Variants in ESPNL observed in about 807,000 individuals in gnomAD.
ESPNL encodes the protein espin like.
Under a neutral mutation model 46.8 loss-of-function variants are expected in ESPNL, and 49 were observed. That is an observed-to-expected ratio of 1.05 (90% CI 0.83 to 1.33). The LOEUF (loss-of-function observed/expected upper bound fraction) is 1.33. Ranked by LOEUF, ESPNL falls within the 40% of genes most tolerant of loss-of-function variation. The pLI is 0.00. For missense variants in ESPNL, 1,540 were observed against 1,436.6 expected (o/e 1.07, Z -1.16); for synonymous variants, 664 against 662.1 (o/e 1.00, Z -0.04).
Position 238,125,400 on chromosome 2 carries a change from C to T in ESPNL, c.1102+16C>T, listed in dbSNP as rs1300356576. On this transcript the variant is annotated intron_variant, in intron 6 of 8. Transcript: ENST00000343063. ...AACCCCAGCCGTGAGTGCACAGCCC[C>T]AAGTGGGCCACCCAGGGCATGGGCC... The T allele has an allele frequency of 1.4e-6, 2 of 1,461,658 alleles. No homozygotes were observed. Among genetic ancestry groups the T allele is most frequent in the Non-Finnish European group, 1.8e-6 (2 of 1,090,082 alleles). 90.5% of individuals were successfully genotyped at this position (1,461,658 alleles called of 1,614,324 possible).
At chr2:238,121,976 G>C (rs567550838) in intron 5 of ESPNL, among the ~76,000 whole-genome samples, 2 of 152,246 alleles carry the variant, frequency 1.3e-5, no homozygotes, top group African/African-American at 2.4e-5. Context: ...GATTCTCTCT[G>C]ACCGGGTGGC....
At chr2:238,116,431 A>G (rs1294609885) in intron 4 of ESPNL, among the ~76,000 whole-genome samples, 1 of 151,996 alleles carries the variant, frequency 6.6e-6, no homozygotes, top group African/African-American at 2.4e-5. Flanking sequence ...ACTAGGGGGG[A>G]ACCTCATTGG....
rs966722090 is a variant in ESPNL at position 238,100,690 on chromosome 2, C to T, written c.271C>T (p.Arg91Cys). 4.7e-5 allele frequency: 68 copies of T among 1,431,610 alleles called. No homozygotes were observed. Among genetic ancestry groups the T allele is most frequent in the Admixed American group, 1.2e-4 (4 of 34,212 alleles). The allele number at this position is 1,431,610 out of a possible 1,614,324, so 88.7% of individuals were successfully genotyped here. ...GSLAELCWLVREGGCGLQDQD... is the reference protein window; with the variant it reads ...GSLAELCWLVCEGGCGLQDQD... The stretch of plus-strand genomic sequence containing the variant: ...CCTGGCCGAGCTGTGCTGGCTGGTC[C>T]GCGAGGGGGGCTGCGGTCTGCAGGT... The change falls in exon 1 of 9, where the codon CGC (arginine) becomes TGC (cysteine). Residue 91 changes from arginine (R) to cysteine (C), a missense_variant. Arg to Cys is a radical substitution (Grantham distance 180). Transcript: ENST00000343063.
intron 6 of ESPNL, among the ~76,000 whole-genome samples, chr2:238,125,738 G>T (rs1031935265): frequency 8.6e-5 from 13 of 152,006 alleles, no homozygotes; most frequent in African/African-American, 3.1e-4. Flanking sequence ...CACGCTGTGG[G>T]CCACCACCAT....
At chr2:238,110,403 TATATCCACACCG>T (rs55911905) in intron 4 of ESPNL, among the ~76,000 whole-genome samples, 44 of 60 alleles carry the variant, frequency 0.73, 22 homozygotes, top group Middle Eastern at 1. Context: ...TGTCCCAGGA[TATATCCACACCG>T]CCCATTTAGG....
Position 238,130,275 on chromosome 2 carries a change from C to T in ESPNL, c.1561C>T (p.Arg521Cys), listed in dbSNP as rs775011985. ...GCAGATTGCAGACCTGCAGCTTCGGCGCCGCTGTCAGGAGTATGAGAGTGA... is the reference window on the plus strand; with the variant it reads ...GCAGATTGCAGACCTGCAGCTTCGGTGCCGCTGTCAGGAGTATGAGAGTGA... ...EKQIADLQLR[R>C]RCQEYESELG... The change falls in exon 9 of 9, where the codon CGC (arginine) becomes TGC (cysteine). Residue 521 changes from arginine (R) to cysteine (C), a missense_variant. Arg to Cys is a radical substitution (Grantham distance 180). Coordinates refer to ENST00000343063, the MANE Select transcript of ESPNL (RefSeq NM_194312.4). 7.5e-6 allele frequency: 12 copies of T among 1,607,256 alleles called. No homozygotes were observed. The highest frequency in any genetic ancestry group is 1.3e-5 in the African/African-American group (1 of 74,936).
chr2:238,103,595 G>A (rs1309104597), intron 2 of ESPNL, among the ~76,000 whole-genome samples: 1 of 152,198 alleles, frequency 6.6e-6, no homozygotes, highest in Non-Finnish European at 1.5e-5. Context: ...CCCTCCAGTT[G>A]CCCCCGACCC....
chr2:238,101,678 G>T (rs1691481408), intron 1 of ESPNL, among the ~76,000 whole-genome samples: 1 of 152,212 alleles, frequency 6.6e-6, no homozygotes, highest in African/African-American at 2.4e-5. Flanking sequence ...TCTCCACACT[G>T]GGGACGGGCC....
In ESPNL at chr2:238,128,924, G is replaced by A. The variant is rs1336409828; in HGVS notation, c.1413+20G>A. ...GCCCAGGTAGGCCCCCGGCAGGGGC[G>A]GGACCAGTGGGCGGGGCGGGGCCTT... On this transcript the variant is annotated intron_variant, in intron 8 of 8. Coordinates refer to ENST00000343063, the MANE Select transcript of ESPNL (RefSeq NM_194312.4). 4 of 1,526,618 alleles carry A rather than the reference G, an allele frequency of 2.6e-6. No homozygotes were observed. Among genetic ancestry groups the A allele is most frequent in the Non-Finnish European group, 3.5e-6 (4 of 1,138,370 alleles). The allele number at this position is 1,526,618 out of a possible 1,614,324, so 94.6% of individuals were successfully genotyped here. A position where few individuals can be genotyped will look rare whatever the true frequency, so the allele number is the denominator to read the frequency against.
intron 3 of ESPNL, 89 bp from the exon 4 acceptor site, chr2:238,107,702 G>A: frequency 7.6e-7 from 1 of 1,320,062 alleles, no homozygotes; most frequent in Non-Finnish European, 1.0e-6. Context: ...TACAGCCAGA[G>A]TCCACTTTCA....
chr2:238,130,231 A>G lies in ESPNL; in HGVS notation c.1517A>G (p.Asp506Gly). 1 of 1,611,048 alleles carries G rather than the reference A, an allele frequency of 6.2e-7. No homozygotes were observed. The highest frequency in any genetic ancestry group is 8.5e-7 in the Non-Finnish European group (1 of 1,179,134). ...TTTGGGGAGCTGCTGACAGAGGATG[A>G]CCTGGTCTACCTGGAGAAGCAGATT... ...GPFGELLTED[D>G]LVYLEKQIAD... is the part of the protein sequence containing the mutation. Residue 506 changes from aspartate (D) to glycine (G), a missense_variant, in exon 9 of 9, where the codon GAC becomes GGC. Coordinates refer to ENST00000343063, the MANE Select transcript of ESPNL (RefSeq NM_194312.4).
intron 4 of ESPNL, among the ~76,000 whole-genome samples, chr2:238,108,316 G>A (rs1207826539): frequency 6.6e-6 from 1 of 152,178 alleles, no homozygotes; most frequent in Non-Finnish European, 1.5e-5. Context: ...CTGTGGCAGG[G>A]GTGTGATGTC....
intron 3 of ESPNL, among the ~76,000 whole-genome samples, chr2:238,107,360 C>T (rs1017812256): frequency 6.6e-6 from 1 of 152,196 alleles, no homozygotes; most frequent in Admixed American, 6.5e-5. Context: ...CCACAGGACC[C>T]GCTGCTCCAG....
At chr2:238,118,051 G>A (rs1691855401) in intron 5 of ESPNL, among the ~76,000 whole-genome samples, 1 of 148,776 alleles carries the variant, frequency 6.7e-6, no homozygotes, top group African/African-American at 2.5e-5. Flanking sequence ...GATGGAGGAG[G>A]GTGAATGGAG....
rs535424471 is a variant in ESPNL, at chr2:238,128,194, G to T, written c.1215+460G>T. On this transcript the variant is annotated intron_variant, in intron 7 of 8. Coordinates refer to ENST00000343063, the MANE Select transcript of ESPNL (RefSeq NM_194312.4). ...GCCGGGCCCTTAGAAAGCCAGCCCAGACTTTCCCTGCGTGGTACTGCAGAT... is the reference window on the plus strand; with the variant it reads ...GCCGGGCCCTTAGAAAGCCAGCCCATACTTTCCCTGCGTGGTACTGCAGAT... Among the ~76,000 whole-genome samples the T allele has an allele frequency of 7.4e-4, 112 of 152,332 alleles. 3 individuals are homozygous for T. In the South Asian group the frequency reaches 0.023, roughly 32 times the overall value.
At position 238,120,611 on chromosome 2, in the gene ESPNL, C is replaced by A. The variant is rs549716970; in HGVS notation, c.987+3577C>A. Among the ~76,000 whole-genome samples, 4 of 152,398 alleles carry A rather than the reference C, an allele frequency of 2.6e-5. No homozygotes were observed. In the South Asian group the frequency reaches 6.2e-4, roughly 24 times the overall value. On this transcript the variant is annotated intron_variant, in intron 5 of 8. Transcript: ENST00000343063. ...CCCTGCCCGGCGCATGAAAACCCAA[C>A]CCCGGGGCCTTCCCGGCTCCTCAGT... is the stretch of plus-strand genomic sequence containing the variant.
Position 238,130,383 on chromosome 2 carries a change from C to G in ESPNL, c.1669C>G (p.Arg557Gly). The G allele has an allele frequency of 6.2e-7, 1 of 1,610,764 alleles. No individual in the cohort carries two copies. Among genetic ancestry groups the G allele is most frequent in the Non-Finnish European group, 8.5e-7 (1 of 1,179,170 alleles). Residue 557 changes from arginine (R) to glycine (G), a missense_variant, in exon 9 of 9, where the codon CGG becomes GGG. Physicochemically the swap from Arg to Gly is moderately radical, Grantham distance 125 (BLOSUM62 -2). Transcript: ENST00000343063. ...CACGGTCAACAGCCACTTCCTGCCC[C>G]GGGCGCCCGGACTGGAGGTTGAGGA... ...SITVNSHFLP[R>G]APGLEVEEAS... is the part of the protein sequence containing the mutation.
chr2:238,131,391 G>A lies in ESPNL; in HGVS notation c.2677G>A (p.Gly893Ser), dbSNP rs749808035. The A allele has an allele frequency of 8.1e-6, 13 of 1,605,660 alleles. No individual in the cohort carries two copies. Among genetic ancestry groups the A allele is most frequent in the South Asian group, 2.2e-5 (2 of 90,094 alleles). Residue 893 changes from glycine (G) to serine (S), a missense_variant, in exon 9 of 9, where the codon GGC becomes AGC. Transcript: ENST00000343063. ...GGTCTTCGAGCACCTGGGCACCCACGGCTGGGAGGCTGTGCGCGCCTTCCA... is the reference window on the plus strand; with the variant it reads ...GGTCTTCGAGCACCTGGGCACCCACAGCTGGGAGGCTGTGCGCGCCTTCCA... ...FEVFEHLGTH[G>S]WEAVRAFHKA...
chr2:238,100,599 G>GCTGCCCGGCAACCAGCGGGCCCAC lies in ESPNL; in HGVS notation c.181_204dup (p.Leu61_His68dup). The GCTGCCCGGCAACCAGCGGGCCCAC allele has an allele frequency of 6.6e-7, 1 of 1,525,316 alleles. No homozygotes were observed. 94.5% of individuals were successfully genotyped at this position (1,525,316 alleles called of 1,614,324 possible). On this transcript the variant is annotated inframe_insertion, in exon 1 of 9. Transcript: ENST00000343063. ...TCAAGTTCTTGGTGCAGCGGGCCCAGCTGCCCGGCAACCAGCGGGCCCACA... is the reference window on the plus strand; with the variant it reads ...TCAAGTTCTTGGTGCAGCGGGCCCAGCTGCCCGGCAACCAGCGGGCCCACCTGCCCGGCAACCAGCGGGCCCACA...
Sources: gnomAD v4.1 joint callset for allele counts (sites outside exome capture counted in the v4.1 genomes callset) on GRCh38, gnomAD v4.1.1 for gene constraint, MANE v1.5 for transcripts, NCBI Gene and HGNC (gene_info 2026-07-23, HGNC 2026-07-21) for gene names.